Variants in EXTL3 observed in about 807,000 individuals in gnomAD.
The protein encoded by EXTL3 is exostosin like glycosyltransferase 3, also known as exostosin-like 3.
In EXTL3, 27 loss-of-function variants were observed where a neutral mutation model predicts 69.3. The ratio of observed to expected loss-of-function variants is 0.39; its 90% CI spans 0.29 to 0.54. The LOEUF is 0.54. Ranked by LOEUF, EXTL3 falls within the 20% of genes least tolerant of loss-of-function variation. The probability of loss-of-function intolerance (pLI) is 0.69; values close to 1 mark genes in which losing one functional copy is unlikely to be tolerated. For missense variants in EXTL3, 1,003 were observed against 1,231.8 expected (o/e 0.81, Z 2.78); for synonymous variants, 511 against 499.4 (o/e 1.02, Z -0.31).
chr8:28,678,217 C>G (rs1807420487), intron 1 of EXTL3: 1 of 152,224 alleles, frequency 6.6e-6, no homozygotes, highest in African/African-American at 2.4e-5. Flanking sequence ...GACCCTGCAC[C>G]TAGTCTCATC....
At position 28,661,018 on chromosome 8, in the gene EXTL3, A is replaced by G. The variant is rs1204469635; in HGVS notation, c.-53+38208A>G. Among the ~76,000 whole-genome samples the G allele has an allele frequency of 4.7e-5, 7 of 148,804 alleles. No homozygotes were observed. The East Asian group carries it at 1.2e-3, about 25-fold the overall frequency. ...AAGCTCCGCCTCCCGGGTTCACGCT[A>G]TTCTTCTGCCTCAGCCTCCCAAGTC... On this transcript the variant is annotated intron_variant, in intron 1 of 6. Coordinates refer to the EXTL3 transcript ENST00000523149.
upstream of EXTL3, among the ~76,000 whole-genome samples, chr8:28,619,525 C>A (rs73563036): frequency 0.013 from 2,005 of 152,162 alleles, 33 homozygotes; most frequent in African/African-American, 0.035. Context: ...ACCCACTGCC[C>A]ATGGCTCCCA....
chr8:28,668,867 T>TTATTTTTTTTTA (rs1807241323), intron 1 of EXTL3, among the ~76,000 whole-genome samples: 1 of 125,880 alleles, frequency 7.9e-6, no homozygotes, highest in African/African-American at 3.5e-5. Context: ...TAGAATCTCT[T>TTATTTTTTTTTA]TTTTTTTTTT....
upstream of EXTL3, chr8:28,697,073 CTTTT>C (rs1800696837): frequency 6.6e-6 from 1 of 152,108 alleles, no homozygotes; most frequent in African/African-American, 2.4e-5. Context: ...TACTGTTATG[CTTTT>C]TTTATCTGGT....
intron 3 of EXTL3, among the ~76,000 whole-genome samples, chr8:28,724,749 G>A (rs1423012325): frequency 1.3e-5 from 2 of 152,152 alleles, no homozygotes; most frequent in Non-Finnish European, 2.9e-5. Flanking sequence ...GCAGTGAGCC[G>A]AGATCGTGCC....
chr8:28,736,245 C>T (rs573650540), intron 4 of EXTL3, among the ~76,000 whole-genome samples: 1 of 152,216 alleles, frequency 6.6e-6, no homozygotes, highest in South Asian at 2.1e-4. Flanking sequence ...GTGATTTCTC[C>T]TCTTTTGGAT....
intron 1 of EXTL3, among the ~76,000 whole-genome samples, chr8:28,695,922 A>G (rs1037356596): frequency 1.3e-5 from 2 of 152,016 alleles, no homozygotes; most frequent in Admixed American, 6.6e-5. Context: ...CCAATTATTT[A>G]TTTTTATTTT....
At chr8:28,654,424 G>C (rs1806973754) in intron 1 of EXTL3, among the ~76,000 whole-genome samples, 1 of 152,032 alleles carries the variant, frequency 6.6e-6, no homozygotes, top group South Asian at 2.1e-4. Context: ...TGTTGCCCAG[G>C]CTGGAGTACA....
At chr8:28,681,803 C>CA (rs1487680048) in intron 1 of EXTL3, among the ~76,000 whole-genome samples, 1 of 152,156 alleles carries the variant, frequency 6.6e-6, no homozygotes, top group Non-Finnish European at 1.5e-5. Flanking sequence ...CCTGTAATCC[C>CA]AGCACTTTAG....
chr8:28,726,844 T>G (rs1563219174), intron 3 of EXTL3, among the ~76,000 whole-genome samples: 1 of 151,950 alleles, frequency 6.6e-6, no homozygotes. Context: ...GTGCTTGGTG[T>G]TGTGTTTCTG....
intron 1 of EXTL3, among the ~76,000 whole-genome samples, chr8:28,688,866 C>T (rs1440093788): frequency 6.6e-6 from 1 of 152,202 alleles, no homozygotes; most frequent in Non-Finnish European, 1.5e-5. Context: ...TTAAGGACAT[C>T]TCTTTGTCAA....
intron 1 of EXTL3, among the ~76,000 whole-genome samples, chr8:28,633,523 A>T (rs1029090387): frequency 4.6e-5 from 7 of 151,782 alleles, no homozygotes; most frequent in Non-Finnish European, 8.8e-5. Flanking sequence ...AGTCCCAGCT[A>T]CTTGGCAAGC....
At position 28,702,694 on chromosome 8, in the gene EXTL3, A is replaced by G. The variant is rs193263597; in HGVS notation, c.-570+1035A>G. Among the ~76,000 whole-genome samples, 25 of 148,310 alleles carry G rather than the reference A, an allele frequency of 1.7e-4. No homozygotes were observed. The East Asian group carries it at 4.6e-3, about 28-fold the overall frequency. On this transcript the variant is annotated intron_variant, in intron 1 of 6. Transcript: ENST00000220562. ...GGAGGAGGAAGCGCAGAACACCACA[A>G]CATGTCCATTATTTCCCCCATATGT... is the stretch of plus-strand genomic sequence containing the variant.
At chr8:28,735,264 G>A (rs1801626027) in intron 4 of EXTL3, among the ~76,000 whole-genome samples, 2 of 152,166 alleles carry the variant, frequency 1.3e-5, no homozygotes, top group South Asian at 2.1e-4. Flanking sequence ...GGAGCGTGCC[G>A]AAGGACTGGC....
intron 1 of EXTL3, among the ~76,000 whole-genome samples, chr8:28,708,144 A>ATCTC: frequency 6.6e-6 from 1 of 152,328 alleles, no homozygotes; most frequent in South Asian, 2.1e-4. Context: ...ACAGCCCTGT[A>ATCTC]ATAAGGGCGG....
At chr8:28,614,093 T>C (rs1806302609) in intron 2 of EXTL3, among the ~76,000 whole-genome samples, 1 of 151,926 alleles carries the variant, frequency 6.6e-6, no homozygotes, top group Admixed American at 6.6e-5. Context: ...GGTCTCCTGA[T>C]CCCTAGGATT....
chr8:28,646,133 A>C (rs1806826788), intron 1 of EXTL3, among the ~76,000 whole-genome samples: 1 of 152,184 alleles, frequency 6.6e-6, no homozygotes, highest in Non-Finnish European at 1.5e-5. Context: ...AAGTGTTGGG[A>C]TTATAGGCCT....
At chr8:28,636,761 A>C (rs925217561) in intron 1 of EXTL3, among the ~76,000 whole-genome samples, 1 of 152,196 alleles carries the variant, frequency 6.6e-6, no homozygotes, top group African/African-American at 2.4e-5. Flanking sequence ...CTGTAACCCC[A>C]GCACTTTGGG....
At chr8:28,731,012 G>A (rs1801523627) in intron 3 of EXTL3, among the ~76,000 whole-genome samples, 1 of 152,154 alleles carries the variant, frequency 6.6e-6, no homozygotes, top group Non-Finnish European at 1.5e-5. Flanking sequence ...GCTAACTAAT[G>A]AATGAAGCTT....
Sources: gnomAD v4.1 joint callset for allele counts (sites outside exome capture counted in the v4.1 genomes callset) on GRCh38, gnomAD v4.1.1 for gene constraint, MANE v1.5 for transcripts, NCBI Gene and HGNC (gene_info 2026-07-23, HGNC 2026-07-21) for gene names.